The following PRKCA variants were observed in gnomAD, a reference collection of about 807,000 sequenced individuals.
PRKCA encodes protein kinase C alpha type.
Under a neutral mutation model 87.0 loss-of-function variants are expected in PRKCA, and 27 were observed. That is an observed-to-expected ratio of 0.31 (90% CI 0.23 to 0.43). PRKCA has a LOEUF of 0.43. Ranked by LOEUF, PRKCA falls within the 20% of genes least tolerant of loss-of-function variation. The pLI, the probability that PRKCA is intolerant of heterozygous loss-of-function variation, is 1.00. For missense variants in PRKCA, 518 were observed against 852.3 expected (o/e 0.61, Z 4.88); for synonymous variants, 329 against 311.1 (o/e 1.06, Z -0.61).
At chr17:66,481,028 G>A (rs1437772364) in intron 2 of PRKCA, among the ~76,000 whole-genome samples, 1 of 152,042 alleles carries the variant, frequency 6.6e-6, no homozygotes, top group Non-Finnish European at 1.5e-5. Flanking sequence ...CTGCCAGATG[G>A]CTGCCTGTCT....
chr17:66,673,226 T>C (rs957946), intron 5 of PRKCA, among the ~76,000 whole-genome samples: 95,431 of 152,104 alleles, frequency 0.63, 30,040 homozygotes, highest in African/African-American at 0.7. Context: ...CTAAACATTG[T>C]TGTTTCTCAT....
chr17:66,421,565 C>T (rs1912498730), intron 2 of PRKCA, among the ~76,000 whole-genome samples: 1 of 149,328 alleles, frequency 6.7e-6, no homozygotes, highest in Non-Finnish European at 1.5e-5. Flanking sequence ...CAGAGTCTTA[C>T]TCTATTATTC....
At chr17:66,646,494 C>T (rs1182744530) in intron 5 of PRKCA, among the ~76,000 whole-genome samples, 1 of 152,318 alleles carries the variant, frequency 6.6e-6, no homozygotes, top group East Asian at 1.9e-4. Flanking sequence ...TATACATTAC[C>T]CTTGTTGACA....
Position 66,545,211 on chromosome 17 carries a change from G to A in PRKCA, c.288+48928G>A, listed in dbSNP as rs762926572. Among the ~76,000 whole-genome samples the A allele has an allele frequency of 9.2e-5, 14 of 151,738 alleles. No individual in the cohort carries two copies. The South Asian group carries it at 1.2e-3, about 13-fold the overall frequency. ...TGGGAGGCCAAGGCGGGCAGATCAC[G>A]AGGTCAGGAGATCGAGACCATCCTG... is the stretch of plus-strand genomic sequence containing the variant. On this transcript the variant is annotated intron_variant, in intron 3 of 16. Transcript: ENST00000413366.
chr17:66,697,929 A>T (rs933142170), intron 8 of PRKCA, among the ~76,000 whole-genome samples: 2 of 152,220 alleles, frequency 1.3e-5, no homozygotes, highest in African/African-American at 2.4e-5. Flanking sequence ...CATCCTAGGG[A>T]AAACAAACAG....
chr17:66,727,762 G>A (rs79547774), intron 8 of PRKCA, among the ~76,000 whole-genome samples: 4,850 of 152,238 alleles, frequency 0.032, 116 homozygotes, highest in Non-Finnish European at 0.049. Flanking sequence ...GGGGAGAAAC[G>A]GCAGGCCAGG....
intron 8 of PRKCA, among the ~76,000 whole-genome samples, chr17:66,699,911 C>T (rs1047761615): frequency 6.6e-6 from 1 of 152,254 alleles, no homozygotes; most frequent in African/African-American, 2.4e-5. Context: ...CCTTCTCAAA[C>T]TCTTCCAAAA....
chr17:66,311,270 G>C (rs1000938357), intron 2 of PRKCA, among the ~76,000 whole-genome samples: 11 of 152,128 alleles, frequency 7.2e-5, no homozygotes, highest in African/African-American at 2.7e-4. Flanking sequence ...AAGATGAAAT[G>C]GTCAGTAATG....
chr17:66,442,761 C>A (rs777656730), intron 2 of PRKCA, among the ~76,000 whole-genome samples: 14 of 152,234 alleles, frequency 9.2e-5, no homozygotes, highest in Non-Finnish European at 1.8e-4. Context: ...CAACCCATAG[C>A]ACATGTAAGT....
chr17:66,671,209 CAAA>C (rs778507190), intron 5 of PRKCA, among the ~76,000 whole-genome samples: 13 of 48,448 alleles, frequency 2.7e-4, no homozygotes, highest in African/African-American at 4.5e-4. Flanking sequence ...AGACTCATCT[CAAA>C]AAAAAAAAAA....
chr17:66,699,112 T>A (rs1210524745), intron 8 of PRKCA, among the ~76,000 whole-genome samples: 1 of 150,618 alleles, frequency 6.6e-6, no homozygotes, highest in East Asian at 2.0e-4. Context: ...GGCAGGAGGA[T>A]GGCTTGAGCT....
intron 5 of PRKCA, among the ~76,000 whole-genome samples, chr17:66,684,237 G>T (rs984616909): frequency 6.6e-6 from 1 of 152,180 alleles, no homozygotes; most frequent in African/African-American, 2.4e-5. Context: ...TGCTCTCACC[G>T]AGTGCCTATC....
chr17:66,519,143 T>G (rs8079527), intron 3 of PRKCA, among the ~76,000 whole-genome samples: 120,871 of 152,010 alleles, frequency 0.8, 48,798 homozygotes, highest in African/African-American at 0.94. Flanking sequence ...TTTGGGGCCG[T>G]CCGTTGTTAG....
intron 3 of PRKCA, among the ~76,000 whole-genome samples, chr17:66,533,171 A>T (rs945309376): frequency 1.4e-4 from 22 of 152,200 alleles, no homozygotes; most frequent in African/African-American, 5.1e-4. Flanking sequence ...ACTTAAAGGG[A>T]TGCCCTAAAA....
At chr17:66,563,032 G>T (rs1234556839) in intron 3 of PRKCA, among the ~76,000 whole-genome samples, 1 of 151,802 alleles carries the variant, frequency 6.6e-6, no homozygotes, top group Non-Finnish European at 1.5e-5. Context: ...TTTTTAAAAA[G>T]ATATTTTTTA....
At chr17:66,570,343 A>T (rs1475663261) in intron 3 of PRKCA, among the ~76,000 whole-genome samples, 1 of 152,224 alleles carries the variant, frequency 6.6e-6, no homozygotes, top group Non-Finnish European at 1.5e-5. Context: ...GCTGCATATT[A>T]TGACTTGTGC....
chr17:66,349,844 ATGTCTTC>A (rs1023179576), intron 2 of PRKCA, among the ~76,000 whole-genome samples: 2 of 152,028 alleles, frequency 1.3e-5, no homozygotes, highest in African/African-American at 2.4e-5. Context: ...GCCTTCGTTA[ATGTCTTC>A]TGTGTGTGAA....
At chr17:66,442,450 A>G (rs547575157) in intron 2 of PRKCA, among the ~76,000 whole-genome samples, 1 of 151,782 alleles carries the variant, frequency 6.6e-6, no homozygotes, top group African/African-American at 2.4e-5. Context: ...TTTCCACTTC[A>G]GAGAGTGATC....
intron 2 of PRKCA, among the ~76,000 whole-genome samples, chr17:66,437,814 C>A (rs1433571187): frequency 6.7e-6 from 1 of 148,824 alleles, no homozygotes; most frequent in African/African-American, 2.5e-5. Context: ...ACAGTTCAAA[C>A]CCTCATAGGT....
Sources: allele counts gnomAD v4.1 joint callset (sites outside exome capture counted in the v4.1 genomes callset), GRCh38; gene constraint gnomAD v4.1.1; transcripts MANE v1.5; gene names NCBI Gene and HGNC (gene_info 2026-07-23, HGNC 2026-07-21).